Variants in ATP5PD observed in about 807,000 individuals in gnomAD.
ATP5PD encodes the protein ATP synthase peripheral stalk subunit d, also known as ATP synthase peripheral stalk subunit d, mitochondrial.
In ATP5PD, 13 loss-of-function variants were observed where a neutral mutation model predicts 22.6. That is an observed-to-expected ratio of 0.58 (90% CI 0.37 to 0.91). The LOEUF is 0.91. Ranked by LOEUF, ATP5PD falls within the 40% of genes least tolerant of loss-of-function variation. The pLI, the probability that ATP5PD is intolerant of heterozygous loss-of-function variation, is 0.00. For synonymous variants in ATP5PD, 51 were observed against 65.0 expected (o/e 0.79, Z 1.03); for missense variants, 165 against 188.0 (o/e 0.88, Z 0.72).
At chr17:75,044,709 T>TAAAAAA (rs962873090) in intron 1 of ATP5PD, among the ~76,000 whole-genome samples, 1 of 151,332 alleles carries the variant, frequency 6.6e-6, no homozygotes, top group East Asian at 1.9e-4. Context: ...TACAGCCACT[T>TAAAAAA]AAAAAAAAAG....
At chr17:75,044,902 T>G (rs142351398) in intron 1 of ATP5PD, among the ~76,000 whole-genome samples, 6 of 152,328 alleles carry the variant, frequency 3.9e-5, no homozygotes, top group African/African-American at 1.4e-4. Flanking sequence ...CAGGACAGCC[T>G]GTTTCCTGTT....
chr17:75,044,374 T>C (rs1318893692), intron 1 of ATP5PD, among the ~76,000 whole-genome samples: 1 of 105,858 alleles, frequency 9.4e-6, no homozygotes, highest in Non-Finnish European at 1.6e-5. Flanking sequence ...CCCGGCTAAT[T>C]TTTTGTATTT....
intron 1 of ATP5PD, among the ~76,000 whole-genome samples, chr17:75,044,124 AAG>A (rs1418910361): frequency 3.9e-4 from 59 of 149,606 alleles, no homozygotes; most frequent in Non-Finnish European, 5.9e-5. Context: ...TCCCAGGCTC[AAG>A]CGATTCTCCT....
intron 1 of ATP5PD, among the ~76,000 whole-genome samples, chr17:75,045,995 G>A (rs558532217): frequency 1.3e-5 from 2 of 152,298 alleles, no homozygotes; most frequent in East Asian, 1.9e-4. Context: ...CACAATCCAC[G>A]TTCTTCTGCC....
chr17:75,040,296 T>A, intron 3 of ATP5PD, 133 bp from the exon 4 acceptor site: 1 of 1,028,330 alleles, frequency 9.7e-7, no homozygotes, highest in Non-Finnish European at 1.5e-6. Context: ...TGAAAGACAT[T>A]CTGTGTCCCA....
chr17:75,040,887 A>G (rs554881177), intron 3 of ATP5PD: 1 of 142,726 alleles, frequency 7.0e-6, no homozygotes, highest in East Asian at 2.0e-4. Flanking sequence ...CTCCGTCTCA[A>G]AAAAAAAAAA....
intron 1 of ATP5PD, among the ~76,000 whole-genome samples, chr17:75,046,101 G>A (rs1243962893): frequency 6.6e-6 from 1 of 152,222 alleles, no homozygotes; most frequent in Non-Finnish European, 1.5e-5. Flanking sequence ...GTGTGTGAGT[G>A]AGACGGAGTC....
At chr17:75,039,643 T>G (rs2073138052) in intron 4 of ATP5PD, 1 of 283,924 alleles carries the variant, frequency 3.5e-6, no homozygotes, top group African/African-American at 2.2e-5. Flanking sequence ...CTTCAGTGCT[T>G]TCAAGCAAAT....
chr17:75,041,488 G>C (rs1345371212), intron 3 of ATP5PD: 1 of 151,508 alleles, frequency 6.6e-6, no homozygotes, highest in African/African-American at 2.4e-5. Flanking sequence ...ATCAGGTGTG[G>C]TGGTGGCATG....
intron 1 of ATP5PD, among the ~76,000 whole-genome samples, chr17:75,044,861 C>CAA (rs934445667): frequency 1.1e-4 from 16 of 152,298 alleles, no homozygotes; most frequent in African/African-American, 3.9e-4. Flanking sequence ...AGAAAGTTGT[C>CAA]AAACACCTGT....
rs1403402287 is a variant in ATP5PD at position 75,039,021 on chromosome 17, T to A, written c.397A>T (p.Ile133Phe). 2 of 1,614,042 alleles carry A rather than the reference T, an allele frequency of 1.2e-6. No individual in the cohort carries two copies. The highest frequency in any genetic ancestry group is 1.3e-5 in the African/African-American group (1 of 74,938). Reference sequence around the variant, plus strand: ...GGGAAAGCTTCATTCAAGTCCTCAATGGTCATCTGATCAAATGGAATTAAG... The same window carrying A: ...GGGAAAGCTTCATTCAAGTCCTCAAAGGTCATCTGATCAAATGGAATTAAG... ...KNLIPFDQMT[I>F]EDLNEAFPET... Residue 133 changes from isoleucine (I) to phenylalanine (F), a missense_variant, in exon 6 of 6, where the codon ATT (isoleucine) becomes TTT (phenylalanine). Coordinates refer to ENST00000301587, the MANE Select transcript of ATP5PD (RefSeq NM_006356.3).
At chr17:75,042,433 C>A in intron 2 of ATP5PD, 96 bp downstream of exon 2, 2 of 1,540,594 alleles carry the variant, frequency 1.3e-6, no homozygotes, top group South Asian at 2.4e-5. Flanking sequence ...TATATGTTGT[C>A]ATAAGGGCAT....
At chr17:75,042,900 C>T (rs1251298868) in intron 1 of ATP5PD, among the ~76,000 whole-genome samples, 1 of 151,846 alleles carries the variant, frequency 6.6e-6, no homozygotes, top group African/African-American at 2.4e-5. Context: ...GAAAAAAAGA[C>T]AGTGTAGCTT....
In ATP5PD at chr17:75,044,023, C is replaced by CT. The variant is rs11312083; in HGVS notation, c.-9-1365dup. Among the ~76,000 whole-genome samples the CT allele has an allele frequency of 6.2e-3, 795 of 127,690 alleles. 3 individuals carry two copies. Among genetic ancestry groups the CT allele is most frequent in the South Asian group, 0.014 (58 of 4,020 alleles). 83.8% of individuals were successfully genotyped at this position (127,690 alleles called of 152,430 possible). A position where few individuals can be genotyped will look rare whatever the true frequency, so the allele number is the denominator to read the frequency against. On this transcript the variant is annotated intron_variant, in intron 1 of 5. Transcript: ENST00000301587. The stretch of plus-strand genomic sequence containing the variant: ...TAGCAGCACCAGCACACGTTGTGCA[C>CT]TTTTTTTTTTTTTTTTTTTGAGATG...
chr17:75,046,425 G>A (rs2073217054), intron 1 of ATP5PD, among the ~76,000 whole-genome samples: 1 of 152,140 alleles, frequency 6.6e-6, no homozygotes, highest in East Asian at 1.9e-4. Context: ...AATCCCCAGC[G>A]CCTAGAACAG....
intron 1 of ATP5PD, 46 bp downstream of exon 1, chr17:75,046,879 G>A (rs1383706300): frequency 6.5e-6 from 1 of 153,300 alleles, no homozygotes; most frequent in Non-Finnish European, 1.5e-5. Context: ...GGGCAGAGCA[G>A]AGGAGCCCTC....
chr17:75,044,773 A>C lies in ATP5PD; in HGVS notation c.-9-2114T>G, dbSNP rs147843647. ...AGTAAGATCAGGGTCAGATATTAAA[A>C]GACTGCAAAGTCAAAAATCTCTATA... On this transcript the variant is annotated intron_variant, in intron 1 of 5. Coordinates refer to ENST00000301587, the MANE Select transcript of ATP5PD (RefSeq NM_006356.3). Among the ~76,000 whole-genome samples the C allele has an allele frequency of 8.7e-4, 133 of 152,386 alleles. 1 individual carries two copies. Among genetic ancestry groups the C allele is most frequent in the African/African-American group, 3.0e-3 (124 of 41,594 alleles).
chr17:75,040,316 G>A (rs536818846), intron 3 of ATP5PD, 153 bp from the exon 4 acceptor site: 64 of 811,294 alleles, frequency 7.9e-5, no homozygotes, highest in Non-Finnish European at 8.3e-5. Flanking sequence ...AAGCGGAAAC[G>A]AATACGCATC....
chr17:75,040,086 A>G lies in ATP5PD; in HGVS notation c.291+6T>C, dbSNP rs768153184. ...TTTAGAATAAGCAGGAGCCTCAACTACTTACATCTTCTTTTTCTTCGGCAT... is the reference window on the plus strand; with the variant it reads ...TTTAGAATAAGCAGGAGCCTCAACTGCTTACATCTTCTTTTTCTTCGGCAT... On this transcript the variant is annotated splice_donor_region_variant and intron_variant, in intron 4 of 5. Transcript: ENST00000301587. The G allele has an allele frequency of 6.2e-7, 1 of 1,613,772 alleles. No homozygotes were observed. The highest frequency in any genetic ancestry group is 8.5e-7 in the Non-Finnish European group (1 of 1,179,930).
Sources: allele counts gnomAD v4.1 joint callset (sites outside exome capture counted in the v4.1 genomes callset), GRCh38; gene constraint gnomAD v4.1.1; transcripts MANE v1.5; gene names NCBI Gene and HGNC (gene_info 2026-07-23, HGNC 2026-07-21).